AREG: variants seen among roughly 807,000 people sequenced by gnomAD.
AREG encodes amphiregulin B.
AREG carries 16 observed loss-of-function variants against 28.0 expected under a neutral mutation model. That is an observed-to-expected ratio of 0.57 (90% CI 0.39 to 0.87). AREG has a LOEUF of 0.87. Among genes scored for constraint, AREG ranks in the 40% least tolerant of loss-of-function variants. AREG has a pLI of 0.00. For synonymous variants in AREG, 113 were observed against 113.5 expected, an observed-to-expected ratio of 1.00 and a Z score of 0.02; for missense variants, 287 against 309.1, an observed-to-expected ratio of 0.93 and a Z score of 0.53.
At chr4:74,449,280 A>C in intron 3 of AREG, 32 bp downstream of exon 3, 1 of 1,613,434 alleles carries the variant, frequency 6.2e-7, no homozygotes, top group South Asian at 1.1e-5. Context: ...AGAATTTTGT[A>C]TTTCTAGCAC....
rs1177835019 is a variant in AREG at position 74,454,922 on chromosome 4, G to A, written c.*182G>A. The A allele has an allele frequency of 3.0e-6, 2 of 658,318 alleles. No homozygotes were observed. Among genetic ancestry groups the A allele is most frequent in the African/African-American group, 1.8e-5 (1 of 55,216 alleles). The allele number at this position is 658,318 out of a possible 1,614,324, so 40.8% of individuals were successfully genotyped here. ...ATATAAAGGTGCACGAAGGTAAAAA[G>A]TATTTTTTCAAGTTGTAAATAATTT... On this transcript the variant is annotated 3_prime_UTR_variant, in exon 6 of 6. Coordinates refer to ENST00000395748, the MANE Select transcript of AREG (RefSeq NM_001657.4).
intron 1 of AREG, 27 bp from the exon 2 acceptor site, chr4:74,446,507 T>C (rs1560613523): frequency 6.2e-7 from 1 of 1,613,994 alleles, no homozygotes; most frequent in East Asian, 2.2e-5. Context: ...TACCTTTTCT[T>C]TTCTTCCTTT....
intron 2 of AREG, among the ~76,000 whole-genome samples, chr4:74,448,258 G>T (rs1719323924): frequency 6.6e-6 from 1 of 152,128 alleles, no homozygotes; most frequent in Non-Finnish European, 1.5e-5. Context: ...TATAAAAATC[G>T]CATAACCACC....
Position 74,445,312 on chromosome 4 carries a change from C to G in AREG, c.-34C>G. The G allele has an allele frequency of 1.9e-6, 3 of 1,603,432 alleles. No individual in the cohort carries two copies. The highest frequency in any genetic ancestry group is 2.5e-6 in the Non-Finnish European group (3 of 1,176,816). On this transcript the variant is annotated 5_prime_UTR_variant, in exon 1 of 6. Transcript: ENST00000395748. ...CTCGTGTCCCAGAGACCGAGTTGCC[C>G]CAGAGACCGAGACGCCGCCGCTGCG...
In AREG at chr4:74,445,420, G is replaced by C; in HGVS notation, c.61+14G>C. The C allele has an allele frequency of 1.2e-6, 2 of 1,605,680 alleles. No homozygotes were observed. Among genetic ancestry groups the C allele is most frequent in the Non-Finnish European group, 1.7e-6 (2 of 1,176,914 alleles). On this transcript the variant is annotated intron_variant, in intron 1 of 5. Coordinates refer to ENST00000395748, the MANE Select transcript of AREG (RefSeq NM_001657.4). ...TACTCGGCTCAGGTGAGGATTCACC[G>C]GCGCTGAACTGCTGGGCTCTCCTCC... is the stretch of plus-strand genomic sequence containing the variant.
At chr4:74,448,140 A>G (rs1382229905) in intron 2 of AREG, among the ~76,000 whole-genome samples, 2 of 152,324 alleles carry the variant, frequency 1.3e-5, no homozygotes, top group South Asian at 2.1e-4. Context: ...GCCTCTGTCT[A>G]TAGTTTGTAA....
rs750763869 is a variant in AREG at position 74,449,204 on chromosome 4, C to G, written c.468C>G (p.His156Gln). 5.0e-6 allele frequency: 8 copies of G among 1,613,162 alleles called. No individual in the cohort carries two copies. Among genetic ancestry groups the G allele is most frequent in the Non-Finnish European group, 6.8e-6 (8 of 1,179,740 alleles). Residue 156 changes from histidine to glutamine, a missense_variant, in exon 3 of 6, where the codon CAC (histidine) becomes CAG (glutamine). His to Gln is a conservative substitution (Grantham distance 24, BLOSUM62 0). Coordinates refer to ENST00000395748, the MANE Select transcript of AREG (RefSeq NM_001657.4). ...CNAEFQNFCI[H>Q]GECKYIEHLE... The stretch of plus-strand genomic sequence containing the variant: ...CAGAATTTCAAAATTTCTGCATTCA[C>G]GGAGAATGCAAATATATAGAGCACC...
At chr4:74,448,437 C>T (rs1719326824) in intron 2 of AREG, among the ~76,000 whole-genome samples, 1 of 152,282 alleles carries the variant, frequency 6.6e-6, no homozygotes, top group South Asian at 2.1e-4. Context: ...TGCTGCATGA[C>T]CATTATGACT....
intron 2 of AREG, among the ~76,000 whole-genome samples, chr4:74,448,157 T>C (rs1719322054): frequency 1.3e-5 from 2 of 152,264 alleles, no homozygotes; most frequent in African/African-American, 4.8e-5. Context: ...GTAATCTATC[T>C]GACAAAGTGA....
rs1306709544 is a variant in AREG at position 74,448,968 on chromosome 4, C to T, written c.311-79C>T. 3.2e-6 allele frequency: 5 copies of T among 1,585,646 alleles called. No individual in the cohort carries two copies. In the African/African-American group the frequency reaches 5.7e-5, roughly 18 times the overall value. ...CTGTTACCCCTGTGAGCGCTCACTG[C>T]TATGACATCTTTCTCTCATGTCTCT... On this transcript the variant is annotated intron_variant, in intron 2 of 5. Coordinates refer to ENST00000395748, the MANE Select transcript of AREG (RefSeq NM_001657.4).
chr4:74,448,786 A>T (rs1434195896), intron 2 of AREG: 4 of 418,780 alleles, frequency 9.6e-6, no homozygotes, highest in African/African-American at 2.0e-5. Flanking sequence ...CTAATTTATA[A>T]TTCTCAGTTT....
chr4:74,449,355 A>G lies in AREG; in HGVS notation c.512+107A>G, dbSNP rs1444535334. The G allele has an allele frequency of 1.1e-5, 17 of 1,560,026 alleles. No individual in the cohort carries two copies. The East Asian group carries it at 3.2e-4, about 29-fold the overall frequency. On this transcript the variant is annotated intron_variant, in intron 3 of 5. Transcript: ENST00000395748. ...TCCAATGTATAAACCAAGGGTCAGT[A>G]AACTTTTTGTTAAAGCACCAGATAG...
At chr4:74,452,706 T>C (rs1199081570) in intron 5 of AREG, 51 bp downstream of exon 5, 41 of 1,502,614 alleles carry the variant, frequency 2.7e-5, no homozygotes, top group Non-Finnish European at 3.4e-5. Flanking sequence ...TTTTGAAAAA[T>C]TTAACACTAT....
chr4:74,451,171 G>A (rs1719375129), intron 4 of AREG, among the ~76,000 whole-genome samples: 1 of 152,156 alleles, frequency 6.6e-6, no homozygotes, highest in Non-Finnish European at 1.5e-5. Flanking sequence ...TTTCACTCCA[G>A]CGTATCTTCC....
chr4:74,445,356 C>A lies in AREG; in HGVS notation c.11C>A (p.Pro4Gln), dbSNP rs749414466. ...CGCTGCGAAGGACCAATGAGAGCCC[C>A]GCTGCTACCGCCGGCGCCGGTGGTG... MRA[P>Q]LLPPAPVVLS... The change falls in exon 1 of 6, where the codon CCG becomes CAG. Residue 4 changes from proline (P) to glutamine (Q), a missense_variant. By Grantham distance (76) the Pro-to-Gln change is moderately conservative (BLOSUM62 -1). Coordinates refer to ENST00000395748, the MANE Select transcript of AREG (RefSeq NM_001657.4). 5 of 1,610,622 alleles carry A rather than the reference C, an allele frequency of 3.1e-6. No homozygotes were observed. In the Admixed American group the frequency reaches 6.7e-5, roughly 22 times the overall value.
rs1719397664 is a variant in AREG at position 74,452,619 on chromosome 4, T to C, written c.741T>C (p.Asn247=). The C allele has an allele frequency of 3.7e-6, 6 of 1,613,426 alleles. No homozygotes were observed. Among genetic ancestry groups the C allele is most frequent in the Non-Finnish European group, 4.2e-6 (5 of 1,179,664 alleles). The change falls in exon 5 of 6, where the codon AAT becomes AAC. Residue 247 remains asparagine, a synonymous_variant. Transcript: ENST00000395748. The part of the protein sequence containing the change: ...ERKKLRQENG[N]VHAIA ...AGAAACTTCGACAAGAGAATGGAAATGTACATGCTATAGCATAACTGAAGA... is the reference window on the plus strand; with the variant it reads ...AGAAACTTCGACAAGAGAATGGAAACGTACATGCTATAGCATAACTGAAGA...
intron 4 of AREG, among the ~76,000 whole-genome samples, chr4:74,451,637 A>G (rs1719382809): frequency 6.6e-6 from 1 of 152,328 alleles, no homozygotes; most frequent in Non-Finnish European, 1.5e-5. Context: ...ACCTCAAGGC[A>G]GATATGCAAA....
chr4:74,449,582 T>A (rs1162788063), intron 3 of AREG, among the ~76,000 whole-genome samples: 3 of 152,148 alleles, frequency 2.0e-5, no homozygotes, highest in African/African-American at 7.2e-5. Flanking sequence ...ACCCCATCTC[T>A]ACAAAAAATA....
intron 1 of AREG, among the ~76,000 whole-genome samples, chr4:74,445,807 A>G (rs1329458840): frequency 6.6e-6 from 1 of 152,136 alleles, no homozygotes; most frequent in African/African-American, 2.4e-5. Flanking sequence ...TTACCTTCCT[A>G]GAGGGACTTA....
Sources: allele counts gnomAD v4.1 joint callset (sites outside exome capture counted in the v4.1 genomes callset), GRCh38; gene constraint gnomAD v4.1.1; transcripts MANE v1.5; gene names NCBI Gene and HGNC (gene_info 2026-07-23, HGNC 2026-07-21).